Variants in SYBU observed in about 807,000 individuals in gnomAD.
SYBU encodes GOLSYN A protein.
A neutral mutation model predicts 35.9 loss-of-function variants in SYBU; 21 were observed. The observed-to-expected ratio is 0.58, with a 90% CI of 0.41 to 0.84. The LOEUF is 0.84. Among genes scored for constraint, SYBU ranks in the 40% least tolerant of loss-of-function variants. SYBU has a pLI of 0.00. For synonymous variants in SYBU, 319 were observed against 324.3 expected (o/e 0.98, Z 0.18); for missense variants, 768 against 848.2 (o/e 0.91, Z 1.17).
chr8:109,666,941 C>T (rs6469277), intron 1 of SYBU, among the ~76,000 whole-genome samples: 18,612 of 151,942 alleles, frequency 0.12, 3,235 homozygotes, highest in African/African-American at 0.39. Flanking sequence ...TTTAGCTTAT[C>T]CTCTAATTTA....
At chr8:109,583,943 G>A (rs894771927) in intron 4 of SYBU, among the ~76,000 whole-genome samples, 3 of 151,860 alleles carry the variant, frequency 2.0e-5, no homozygotes, top group Admixed American at 1.3e-4. Context: ...CGAGTAGCTG[G>A]GATAACAGGC....
chr8:109,631,643 C>G (rs1813638308), intron 2 of SYBU, among the ~76,000 whole-genome samples: 1 of 151,976 alleles, frequency 6.6e-6, no homozygotes, highest in South Asian at 2.1e-4. Flanking sequence ...AATATTTGGT[C>G]CAAATATTTA....
chr8:109,585,784 T>A (rs1362460102), intron 4 of SYBU: 1 of 434,930 alleles, frequency 2.3e-6, no homozygotes, highest in Admixed American at 4.0e-5. Context: ...CACAGGTGAG[T>A]AAGGGAAAGA....
chr8:109,688,013 TCTC>T (rs1356051473), intron 1 of SYBU, among the ~76,000 whole-genome samples: 1 of 152,190 alleles, frequency 6.6e-6, no homozygotes, highest in East Asian at 1.9e-4. Context: ...TAGCTAGGCT[TCTC>T]CTCATCATCA....
chr8:109,667,795 T>C (rs1293301272), intron 1 of SYBU, among the ~76,000 whole-genome samples: 1 of 152,168 alleles, frequency 6.6e-6, no homozygotes, highest in Non-Finnish European at 1.5e-5. Flanking sequence ...GTTGTTTATG[T>C]GTTTTGTTTT....
intron 3 of SYBU, among the ~76,000 whole-genome samples, chr8:109,596,143 T>G (rs951845465): frequency 3.3e-5 from 5 of 152,090 alleles, no homozygotes; most frequent in Non-Finnish European, 7.4e-5. Flanking sequence ...GGTCAGAGAG[T>G]GCCATACGAA....
intron 3 of SYBU, among the ~76,000 whole-genome samples, chr8:109,599,687 T>G (rs1292002901): frequency 1.3e-5 from 2 of 152,188 alleles, no homozygotes; most frequent in Non-Finnish European, 2.9e-5. Flanking sequence ...AGCTGCTCCT[T>G]GTGGCCCTGA....
chr8:109,664,916 C>A (rs1455568666), intron 1 of SYBU, among the ~76,000 whole-genome samples: 2 of 152,148 alleles, frequency 1.3e-5, no homozygotes, highest in Non-Finnish European at 2.9e-5. Flanking sequence ...GGGGCTTTAA[C>A]ACTGTGAAAT....
chr8:109,599,760 T>A (rs1302605246), intron 3 of SYBU, among the ~76,000 whole-genome samples: 1 of 152,168 alleles, frequency 6.6e-6, no homozygotes, highest in Non-Finnish European at 1.5e-5. Flanking sequence ...TTGTTGAAAC[T>A]CCTCAATGGC....
At chr8:109,638,387 A>G (rs1361053051) in intron 2 of SYBU, among the ~76,000 whole-genome samples, 1 of 152,172 alleles carries the variant, frequency 6.6e-6, no homozygotes, top group Non-Finnish European at 1.5e-5. Context: ...AGAAAAATGG[A>G]TAGAGGCTAC....
upstream of SYBU, chr8:109,648,884 GA>G (rs1191839455): frequency 1.3e-5 from 2 of 149,096 alleles, no homozygotes; most frequent in South Asian, 2.2e-4. Context: ...GGCATCGTGA[GA>G]TTTTTTTGTG....
At chr8:109,600,869 C>G (rs1052955027) in intron 3 of SYBU, among the ~76,000 whole-genome samples, 5 of 152,156 alleles carry the variant, frequency 3.3e-5, no homozygotes, top group Non-Finnish European at 7.3e-5. Flanking sequence ...ACTTAGGATA[C>G]TCTTATGAAC....
intron 2 of SYBU, among the ~76,000 whole-genome samples, chr8:109,631,897 G>C (rs941228435): frequency 2.7e-5 from 4 of 150,616 alleles, no homozygotes; most frequent in Admixed American, 2.6e-4. Context: ...GGGTTTGTTT[G>C]CAGTTTCTAG....
intron 1 of SYBU, among the ~76,000 whole-genome samples, chr8:109,677,217 T>A (rs556702972): frequency 6.6e-6 from 1 of 152,134 alleles, no homozygotes; most frequent in African/African-American, 2.4e-5. Context: ...TGTAAGATAC[T>A]CTAAAAGTAA....
At chr8:109,588,140 T>C (rs1286064684) in intron 3 of SYBU, among the ~76,000 whole-genome samples, 1 of 152,230 alleles carries the variant, frequency 6.6e-6, no homozygotes, top group Admixed American at 6.5e-5. Flanking sequence ...TAAGATACTA[T>C]TTTCTAATGT....
At chr8:109,630,279 G>A (rs376967119) in intron 2 of SYBU, among the ~76,000 whole-genome samples, 2 of 121,804 alleles carry the variant, frequency 1.6e-5, no homozygotes, top group Non-Finnish European at 3.3e-5. Flanking sequence ...GTCGTGGGGT[G>A]GGGGGAGGGG....
chr8:109,648,342 A>G (rs551095293), upstream of SYBU, among the ~76,000 whole-genome samples: 2 of 149,784 alleles, frequency 1.3e-5, no homozygotes, highest in African/African-American at 2.4e-5. Context: ...AAGGAAGGTA[A>G]TGTCTTTATA....
chr8:109,672,094 T>A (rs969258364), intron 1 of SYBU, among the ~76,000 whole-genome samples: 4 of 151,780 alleles, frequency 2.6e-5, no homozygotes, highest in Non-Finnish European at 5.9e-5. Context: ...AGAGATGGAG[T>A]TTCTCCATGT....
At chr8:109,603,027 G>T (rs146456860) in intron 3 of SYBU, among the ~76,000 whole-genome samples, 1 of 152,170 alleles carries the variant, frequency 6.6e-6, no homozygotes, top group African/African-American at 2.4e-5. Context: ...GAAAGCAGGC[G>T]GAACAGTTCC....
Sources: gnomAD v4.1 joint callset for allele counts (sites outside exome capture counted in the v4.1 genomes callset) on GRCh38, gnomAD v4.1.1 for gene constraint, MANE v1.5 for transcripts, NCBI Gene and HGNC (gene_info 2026-07-23, HGNC 2026-07-21) for gene names.